ERC1: variants seen among roughly 807,000 people sequenced by gnomAD.
ERC1 encodes the protein ELKS/RAB6-interacting/CAST family member 1, also known as RAB6 interacting protein 2.
ERC1 carries 56 observed loss-of-function variants against 132.0 expected under a neutral mutation model. The observed-to-expected ratio is 0.42, with a 90% CI of 0.34 to 0.53. The LOEUF (loss-of-function observed/expected upper bound fraction) is 0.53. Ranked by LOEUF, ERC1 falls within the 20% of genes least tolerant of loss-of-function variation. The pLI is 0.03. For missense variants in ERC1, 1,202 were observed against 1,349.9 expected, an observed-to-expected ratio of 0.89 and a Z score of 1.72; for synonymous variants, 478 against 476.1, an observed-to-expected ratio of 1.00 and a Z score of -0.05.
At chr12:1,258,581 G>C (rs775269471) in intron 13 of ERC1, among the ~76,000 whole-genome samples, 1 of 152,032 alleles carries the variant, frequency 6.6e-6, no homozygotes, top group Non-Finnish European at 1.5e-5. Flanking sequence ...TCACTTTCAA[G>C]GAAGCTGGTG....
Position 1,296,024 on chromosome 12 carries a change from A to AAAAC in ERC1, c.2780+6014_2780+6015insACAA, listed in dbSNP as rs1555349497. On this transcript the variant is annotated intron_variant, in intron 15 of 18. Transcript: ENST00000360905. ...TTGGTTTAACAGAAAAAAAAAAAAA[A>AAAAC]AACAACTAAATTCACCCTTATACAT... 1.3e-3 allele frequency among the ~76,000 whole-genome samples: 193 copies of AAAAC among 150,478 alleles called. 1 individual carries two copies. Among genetic ancestry groups the AAAAC allele is most frequent in the Admixed American group, 3.9e-3 (59 of 15,142 alleles).
intron 18 of ERC1, among the ~76,000 whole-genome samples, chr12:1,451,133 T>C (rs923400441): frequency 1.3e-5 from 2 of 152,242 alleles, no homozygotes; most frequent in African/African-American, 4.8e-5. Flanking sequence ...GTGGTAATAG[T>C]GTCTTTCGAT....
At chr12:1,083,038 A>G (rs1942457717) in intron 2 of ERC1, 126 bp from the exon 3 acceptor site, 10 of 765,518 alleles carry the variant, frequency 1.3e-5, no homozygotes, top group Non-Finnish European at 2.2e-5. Context: ...GTAAAACAGA[A>G]TAAGGTGAAT....
chr12:1,068,824 A>T (rs1198497288), intron 2 of ERC1, among the ~76,000 whole-genome samples: 1 of 152,106 alleles, frequency 6.6e-6, no homozygotes, highest in Admixed American at 6.6e-5. Context: ...TTCTCATTGG[A>T]GCATTGCATA....
chr12:1,483,747 T>C (rs1263579045), intron 18 of ERC1, among the ~76,000 whole-genome samples: 1 of 135,956 alleles, frequency 7.4e-6, no homozygotes, highest in Non-Finnish European at 1.5e-5. Flanking sequence ...TGGAGTGCAG[T>C]GGCGCGATCT....
intron 15 of ERC1, among the ~76,000 whole-genome samples, chr12:1,357,117 A>G (rs184943618): frequency 6.6e-5 from 10 of 152,248 alleles, no homozygotes; most frequent in Non-Finnish European, 2.9e-5. Context: ...ATACTTACGC[A>G]TTGGAGCAGC....
intron 2 of ERC1, among the ~76,000 whole-genome samples, chr12:1,055,690 A>C (rs1300667966): frequency 6.6e-6 from 1 of 152,254 alleles, no homozygotes; most frequent in Admixed American, 6.5e-5. Flanking sequence ...TAGTGTAAAA[A>C]GCGCAAGCTA....
At position 1,490,975 on chromosome 12, in the gene ERC1, G is replaced by A. The variant is rs773538809; in HGVS notation, c.*745G>A. On this transcript the variant is annotated 3_prime_UTR_variant, in exon 19 of 19. Coordinates refer to ENST00000360905, the MANE Select transcript of ERC1 (RefSeq NM_178040.4). The stretch of plus-strand genomic sequence containing the variant: ...CCACCAGTCTCTCCTGTTTGAGACT[G>A]TTGACGTTATCATACTGAGGTGTTA... 2 of 232,836 alleles carry A rather than the reference G, an allele frequency of 8.6e-6. No homozygotes were observed. Among genetic ancestry groups the A allele is most frequent in the Non-Finnish European group, 8.5e-6 (1 of 117,770 alleles). The allele number at this position is 232,836 out of a possible 1,614,324, so 14.4% of individuals were successfully genotyped here.
chr12:1,173,170 A>G (rs117883587), intron 8 of ERC1, among the ~76,000 whole-genome samples: 1 of 152,370 alleles, frequency 6.6e-6, no homozygotes, highest in East Asian at 1.9e-4. Flanking sequence ...TTATGTGATT[A>G]CTTTTTCAGT....
intron 15 of ERC1, among the ~76,000 whole-genome samples, chr12:1,301,223 A>G (rs926999003): frequency 3.3e-5 from 5 of 152,150 alleles, no homozygotes; most frequent in African/African-American, 1.2e-4. Context: ...ATAAAAATCT[A>G]TATATTAGGT....
intron 1 of ERC1, among the ~76,000 whole-genome samples, chr12:995,188 T>C (rs1039025524): frequency 2.6e-5 from 4 of 151,722 alleles, no homozygotes; most frequent in Non-Finnish European, 5.9e-5. Flanking sequence ...ACCTAGGGGT[T>C]CGAGGTTGCA....
intron 16 of ERC1, among the ~76,000 whole-genome samples, chr12:1,404,422 A>G (rs564935635): frequency 2.7e-4 from 41 of 151,756 alleles, no homozygotes; most frequent in African/African-American, 9.4e-4. Flanking sequence ...CACCAGTTTG[A>G]TAATGGAGAT....
chr12:1,336,816 T>C (rs1328735050), intron 15 of ERC1, among the ~76,000 whole-genome samples: 2 of 152,074 alleles, frequency 1.3e-5, no homozygotes, highest in African/African-American at 4.8e-5. Context: ...TTTTTTTTTT[T>C]TGAGACAGTC....
chr12:1,380,470 A>G (rs935047607), intron 16 of ERC1: 1 of 152,252 alleles, frequency 6.6e-6, no homozygotes, highest in Non-Finnish European at 1.5e-5. Context: ...ATGAGATGCC[A>G]GTCTCCTTGA....
chr12:1,092,289 G>T (rs1425682829), intron 3 of ERC1, among the ~76,000 whole-genome samples: 1 of 152,170 alleles, frequency 6.6e-6, no homozygotes, highest in South Asian at 2.1e-4. Flanking sequence ...GAGCCACCGC[G>T]CCCGGCCCAC....
intron 8 of ERC1, among the ~76,000 whole-genome samples, chr12:1,174,960 G>A (rs947594537): frequency 2.0e-5 from 3 of 152,166 alleles, no homozygotes; most frequent in Non-Finnish European, 2.9e-5. Context: ...ACAGTAAAAC[G>A]AGTCACACAA....
rs555035739 is a variant in ERC1, at chr12:1,150,654, A to G, written c.1737+8867A>G. Among the ~76,000 whole-genome samples, 3 of 152,210 alleles carry G rather than the reference A, an allele frequency of 2.0e-5. No individual in the cohort carries two copies. In the East Asian group the frequency reaches 5.8e-4, roughly 29 times the overall value. On this transcript the variant is annotated intron_variant, in intron 8 of 18. Coordinates refer to ENST00000360905, the MANE Select transcript of ERC1 (RefSeq NM_178040.4). ...ACAGTATGTGTACTTGATATGATCA[A>G]TGATACTTCAGCTCTGTGGTTCTCT...
chr12:1,205,267 A>G lies in ERC1; in HGVS notation c.2351+15215A>G, dbSNP rs927594162. On this transcript the variant is annotated intron_variant, in intron 12 of 18. Coordinates refer to ENST00000360905, the MANE Select transcript of ERC1 (RefSeq NM_178040.4). ...CTTATTTTGCATATGAGCCATGACAATATAAAGTGTGAGGATTTCTGATAG... is the reference window on the plus strand; with the variant it reads ...CTTATTTTGCATATGAGCCATGACAGTATAAAGTGTGAGGATTTCTGATAG... 1.8e-4 allele frequency among the ~76,000 whole-genome samples: 28 copies of G among 152,070 alleles called. 1 individual carries two copies. Among genetic ancestry groups the G allele is most frequent in the African/African-American group, 6.8e-4 (28 of 41,424 alleles).
intron 1 of ERC1, among the ~76,000 whole-genome samples, chr12:1,022,856 G>T (rs1461035564): frequency 6.6e-6 from 1 of 152,118 alleles, no homozygotes; most frequent in African/African-American, 2.4e-5. Flanking sequence ...GACCTCAAGT[G>T]ATCCACTGAC....
Sources: allele counts gnomAD v4.1 joint callset (sites outside exome capture counted in the v4.1 genomes callset), GRCh38; gene constraint gnomAD v4.1.1; transcripts MANE v1.5; gene names NCBI Gene and HGNC (gene_info 2026-07-23, HGNC 2026-07-21).